CERS3: variants seen among roughly 807,000 people sequenced by gnomAD.
CERS3 encodes the protein LAG1 homolog, ceramide synthase 3.
A neutral mutation model predicts 50.3 loss-of-function variants in CERS3; 33 were observed. The ratio of observed to expected loss-of-function variants is 0.66; its 90% CI spans 0.50 to 0.88. CERS3 has a LOEUF of 0.88. Among genes scored for constraint, CERS3 ranks in the 40% least tolerant of loss-of-function variants. The pLI is 0.00. For synonymous variants in CERS3, 176 were observed against 155.2 expected, an observed-to-expected ratio of 1.13 and a Z score of -0.99; for missense variants, 470 against 460.3, an observed-to-expected ratio of 1.02 and a Z score of -0.19.
At chr15:100,452,284 A>T (rs1481932700) in intron 11 of CERS3, among the ~76,000 whole-genome samples, 1 of 152,220 alleles carries the variant, frequency 6.6e-6, no homozygotes, top group Non-Finnish European at 1.5e-5. Context: ...ATCTTTTTAG[A>T]CCACAATGGA....
intron 11 of CERS3, chr15:100,408,651 T>C (rs1185911561): frequency 6.6e-6 from 1 of 152,198 alleles, no homozygotes; most frequent in African/African-American, 2.4e-5. Flanking sequence ...CCTCTGGATT[T>C]CCCTGCGGTA....
intron 2 of CERS3, among the ~76,000 whole-genome samples, chr15:100,506,400 T>TATGGG (rs1199889619): frequency 2.6e-5 from 4 of 151,252 alleles, no homozygotes; most frequent in Non-Finnish European, 4.4e-5. Flanking sequence ...AGAGAGGCCC[T>TATGGG]TCACACCCAT....
chr15:100,539,176 C>A (rs1418973214), intron 1 of CERS3, among the ~76,000 whole-genome samples: 2 of 152,220 alleles, frequency 1.3e-5, no homozygotes, highest in African/African-American at 2.4e-5. Context: ...TTGTCCACAT[C>A]ACTATTAGCA....
chr15:100,429,000 G>A (rs1223567391), intron 11 of CERS3, among the ~76,000 whole-genome samples: 1 of 152,230 alleles, frequency 6.6e-6, no homozygotes, highest in Non-Finnish European at 1.5e-5. Context: ...TCGGGGATTA[G>A]CAAGGACAGC....
chr15:100,417,868 G>A (rs2032078317), intron 11 of CERS3, among the ~76,000 whole-genome samples: 1 of 151,976 alleles, frequency 6.6e-6, no homozygotes, highest in African/African-American at 2.4e-5. Flanking sequence ...GCAGCTGAGG[G>A]TCCTCTCTGT....
intron 1 of CERS3, among the ~76,000 whole-genome samples, chr15:100,536,262 GAAGTAAT>G (rs1458910054): frequency 1.3e-5 from 2 of 152,162 alleles, no homozygotes; most frequent in African/African-American, 4.8e-5. Context: ...CCACGTCCAT[GAAGTAAT>G]AAGTTGTGCA....
intron 11 of CERS3, among the ~76,000 whole-genome samples, chr15:100,441,560 C>G (rs1284550999): frequency 1.3e-5 from 2 of 152,026 alleles, no homozygotes; most frequent in Admixed American, 1.3e-4. Context: ...CCCCCTTCTT[C>G]TCCCTTAGCC....
intron 2 of CERS3, among the ~76,000 whole-genome samples, chr15:100,505,478 T>C (rs1042421587): frequency 2.0e-5 from 3 of 152,232 alleles, no homozygotes; most frequent in Admixed American, 6.5e-5. Context: ...TTGGAAAATG[T>C]AGTCCAAACT....
intron 11 of CERS3, among the ~76,000 whole-genome samples, chr15:100,449,249 C>T (rs2034062920): frequency 6.6e-6 from 1 of 152,236 alleles, no homozygotes; most frequent in African/African-American, 2.4e-5. Flanking sequence ...GCACATGCAA[C>T]CTGCAGGCCT....
intron 11 of CERS3, among the ~76,000 whole-genome samples, chr15:100,443,891 A>C (rs2033816986): frequency 6.6e-6 from 1 of 152,152 alleles, no homozygotes; most frequent in Non-Finnish European, 1.5e-5. Flanking sequence ...CCATTCTATA[A>C]ACTCACAAAA....
chr15:100,415,514 T>G (rs1341071106), intron 11 of CERS3, among the ~76,000 whole-genome samples: 6 of 152,182 alleles, frequency 3.9e-5, no homozygotes, highest in Non-Finnish European at 8.8e-5. Flanking sequence ...TGTAGCACTC[T>G]TCACAATAGC....
intron 10 of CERS3, among the ~76,000 whole-genome samples, chr15:100,468,934 A>T (rs150180177): frequency 1.0e-3 from 155 of 152,304 alleles, no homozygotes; most frequent in African/African-American, 3.7e-3. Context: ...CATCCTTATG[A>T]GTTATTGTGT....
intron 11 of CERS3, among the ~76,000 whole-genome samples, chr15:100,405,635 C>A (rs2030965241): frequency 6.6e-6 from 1 of 152,132 alleles, no homozygotes; most frequent in South Asian, 2.1e-4. Context: ...TCATGACATT[C>A]TCAAAAAGAT....
rs190656938 is a variant in CERS3 at position 100,506,786 on chromosome 15, G to C, written c.-1-4936C>G. Among the ~76,000 whole-genome samples the C allele has an allele frequency of 1.6e-4, 24 of 152,254 alleles. No individual in the cohort carries two copies. In the South Asian group the frequency reaches 3.1e-3, roughly 20 times the overall value. On this transcript the variant is annotated intron_variant, in intron 2 of 11. Coordinates refer to ENST00000679737, the MANE Select transcript of CERS3 (RefSeq NM_001378789.1). ...TAAAGCAGAAGTGGGGACAGACGAG[G>C]GAAAATGAGAAATGGCTTCTGATGG...
chr15:100,448,228 C>A (rs1259018713), intron 11 of CERS3, among the ~76,000 whole-genome samples: 1 of 152,104 alleles, frequency 6.6e-6, no homozygotes, highest in Non-Finnish European at 1.5e-5. Context: ...CGGGTACATG[C>A]CTCCTCCACA....
At chr15:100,510,167 G>A (rs897862652) in intron 2 of CERS3, among the ~76,000 whole-genome samples, 4 of 152,044 alleles carry the variant, frequency 2.6e-5, no homozygotes, top group African/African-American at 4.8e-5. Flanking sequence ...CATTTCACAT[G>A]AAGAAGACAA....
At chr15:100,432,696 C>T (rs1273491900) in intron 11 of CERS3, among the ~76,000 whole-genome samples, 1 of 152,074 alleles carries the variant, frequency 6.6e-6, no homozygotes, top group Non-Finnish European at 1.5e-5. Flanking sequence ...TGAAAAGACT[C>T]CACAGCATGT....
intron 1 of CERS3, among the ~76,000 whole-genome samples, chr15:100,523,116 AAT>A (rs1355263872): frequency 6.6e-6 from 1 of 152,148 alleles, no homozygotes; most frequent in Non-Finnish European, 1.5e-5. Flanking sequence ...TGGCTGTCTG[AAT>A]ATGTTTTTCT....
chr15:100,415,427 C>T (rs1223804564), intron 11 of CERS3, among the ~76,000 whole-genome samples: 1 of 152,144 alleles, frequency 6.6e-6, no homozygotes, highest in Non-Finnish European at 1.5e-5. Flanking sequence ...ATTTGACCCA[C>T]CAATCTCATT....
Sources: gnomAD v4.1 joint callset for allele counts (sites outside exome capture counted in the v4.1 genomes callset) on GRCh38, gnomAD v4.1.1 for gene constraint, MANE v1.5 for transcripts, NCBI Gene and HGNC (gene_info 2026-07-23, HGNC 2026-07-21) for gene names.